SPP1: variants seen among roughly 807,000 people sequenced by gnomAD.
SPP1 encodes osteopontin.
SPP1 carries 18 observed loss-of-function variants against 20.8 expected under a neutral mutation model. The observed-to-expected ratio is 0.87, with a 90% CI of 0.60 to 1.29. The LOEUF (loss-of-function observed/expected upper bound fraction) is 1.29, where lower values mean the gene tolerates loss of function less well. Ranked by LOEUF, SPP1 falls within the 50% of genes most tolerant of loss-of-function variation. The pLI, the probability that SPP1 is intolerant of heterozygous loss-of-function variation, is 0.00. For synonymous variants in SPP1, 146 were observed against 141.5 expected (o/e 1.03, Z -0.23); for missense variants, 363 against 389.0 (o/e 0.93, Z 0.56).
In SPP1 at chr4:87,981,576, C is replaced by A; in HGVS notation, c.318C>A (p.Asn106Lys). Residue 106 changes from asparagine (N) to lysine (K), a missense_variant, in exon 6 of 7, where the codon AAC becomes AAA. Transcript: ENST00000395080. ...HVDSQDSIDSNDSDDVDDTDD... is the reference protein window; with the variant it reads ...HVDSQDSIDSKDSDDVDDTDD... ...ACAGCCAGGACTCCATTGACTCGAA[C>A]GACTCTGATGATGTAGATGACACTG... is the stretch of plus-strand genomic sequence containing the variant. The A allele has an allele frequency of 6.2e-7, 1 of 1,614,086 alleles. No individual in the cohort carries two copies. The highest frequency in any genetic ancestry group is 8.5e-7 in the Non-Finnish European group (1 of 1,179,988).
intron 1 of SPP1, 73 bp downstream of exon 1, chr4:87,975,873 A>G (rs954422651): frequency 1.3e-5 from 2 of 152,224 alleles, no homozygotes; most frequent in Non-Finnish European, 2.9e-5. Context: ...CTAAGGAAAA[A>G]TATTTTTAAT....
chr4:87,981,850 G>A (rs1725663752), intron 6 of SPP1, 52 bp downstream of exon 6: 1 of 1,496,330 alleles, frequency 6.7e-7, no homozygotes, highest in Admixed American at 1.8e-5. Flanking sequence ...CTCAAGTCTA[G>A]GAAACCACAG....
Position 87,976,965 on chromosome 4 carries a change from T to C in SPP1, c.54+16T>C. 2 of 1,613,598 alleles carry C rather than the reference T, an allele frequency of 1.2e-6. No individual in the cohort carries two copies. Among genetic ancestry groups the C allele is most frequent in the South Asian group, 1.1e-5 (1 of 91,076 alleles). ...TGCCATACCAGTGAGTACAGTTGCA[T>C]CTTAAAGAAAATTCCTGAAAATAAC... is the stretch of plus-strand genomic sequence containing the variant. On this transcript the variant is annotated intron_variant, in intron 2 of 6. Transcript: ENST00000395080.
Position 87,983,064 on chromosome 4 carries a change from C to A in SPP1, c.*168C>A. The A allele has an allele frequency of 1.4e-6, 1 of 725,808 alleles. No homozygotes were observed. Among genetic ancestry groups the A allele is most frequent in the Non-Finnish European group, 2.1e-6 (1 of 465,520 alleles). The allele number at this position is 725,808 out of a possible 1,614,324, so 45.0% of individuals were successfully genotyped here. ...GTTTGATAATTAGTTTAGTTTGTGG[C>A]TTCATGGAAACTCCCTGTAAACTAA... On this transcript the variant is annotated 3_prime_UTR_variant, in exon 7 of 7. Coordinates refer to ENST00000395080, the MANE Select transcript of SPP1 (RefSeq NM_001040058.2).
rs1725599839 is a variant in SPP1 at position 87,980,575 on chromosome 4, T to C, written c.216+141T>C. Reference sequence around the variant, plus strand: ...CTAAAACTTGCTCATAAATAAAACATGTATTTACTAAATATCAGAAATACT... The same window carrying C: ...CTAAAACTTGCTCATAAATAAAACACGTATTTACTAAATATCAGAAATACT... On this transcript the variant is annotated intron_variant, in intron 5 of 6. Coordinates refer to ENST00000395080, the MANE Select transcript of SPP1 (RefSeq NM_001040058.2). 7 of 800,352 alleles carry C rather than the reference T, an allele frequency of 8.7e-6. No homozygotes were observed. In the Admixed American group the frequency reaches 2.1e-4, roughly 24 times the overall value. The allele number at this position is 800,352 out of a possible 1,614,324, so 49.6% of individuals were successfully genotyped here.
At chr4:87,977,684 C>T in intron 3 of SPP1, 1 of 1,251,492 alleles carries the variant, frequency 8.0e-7, no homozygotes, top group South Asian at 1.4e-5. Context: ...ACCTACCCCT[C>T]CACAACAGAT....
In SPP1 at chr4:87,980,186, T is replaced by G. The variant is rs1461336035; in HGVS notation, c.174+60T>G. On this transcript the variant is annotated intron_variant, in intron 4 of 6. Coordinates refer to ENST00000395080, the MANE Select transcript of SPP1 (RefSeq NM_001040058.2). ...ATGAAAGATAGCCACACTCAGGCCATTTGGGCTGCTCAGATGAATCCTGCC... is the reference window on the plus strand; with the variant it reads ...ATGAAAGATAGCCACACTCAGGCCAGTTGGGCTGCTCAGATGAATCCTGCC... The G allele has an allele frequency of 1.9e-6, 3 of 1,585,058 alleles. No individual in the cohort carries two copies. In the African/African-American group the frequency reaches 4.0e-5, roughly 21 times the overall value.
chr4:87,976,826 G>T (rs577910593), intron 1 of SPP1, 56 bp from the exon 2 acceptor site: 4 of 1,200,484 alleles, frequency 3.3e-6, no homozygotes, highest in African/African-American at 1.5e-5. Flanking sequence ...GTATAAAAAG[G>T]TATCACTGTT....
intron 5 of SPP1, 122 bp from the exon 6 acceptor site, chr4:87,981,353 A>G (rs1725631952): frequency 1.2e-6 from 1 of 856,162 alleles, no homozygotes; most frequent in South Asian, 1.8e-5. Flanking sequence ...CATGGTATGT[A>G]CTGTGAATGC....
In SPP1 at chr4:87,981,585, T is replaced by C; in HGVS notation, c.327T>C (p.Asp109=). The C allele has an allele frequency of 6.2e-7, 1 of 1,614,166 alleles. No homozygotes were observed. The highest frequency in any genetic ancestry group is 1.1e-5 in the South Asian group (1 of 91,076). The change falls in exon 6 of 7, where the codon GAT becomes GAC. Residue 109 remains aspartate, a synonymous_variant. Transcript: ENST00000395080. ...ACTCCATTGACTCGAACGACTCTGA[T>C]GATGTAGATGACACTGATGATTCTC... The part of the protein sequence containing the change: ...SQDSIDSNDS[D]DVDDTDDSHQ...
chr4:87,975,851 G>A (rs1465773380), intron 1 of SPP1, 51 bp downstream of exon 1: 1 of 152,214 alleles, frequency 6.6e-6, no homozygotes, highest in Non-Finnish European at 1.5e-5. Context: ...ATTTCATGGG[G>A]AAGTCCAAAT....
chr4:87,981,811 A>G lies in SPP1; in HGVS notation c.540+13A>G, dbSNP rs1725661321. 18 of 1,610,804 alleles carry G rather than the reference A, an allele frequency of 1.1e-5. No individual in the cohort carries two copies. The highest frequency in any genetic ancestry group is 2.7e-5 in the African/African-American group (2 of 75,010). On this transcript the variant is annotated intron_variant, in intron 6 of 6. Coordinates refer to ENST00000395080, the MANE Select transcript of SPP1 (RefSeq NM_001040058.2). ...ACCTGACATCCAGGTAAATCCTTTA[A>G]CAGACACACCTGATGGTTCTGACTA...
At chr4:87,980,851 T>C (rs1045912893) in intron 5 of SPP1, among the ~76,000 whole-genome samples, 5 of 152,206 alleles carry the variant, frequency 3.3e-5, no homozygotes, top group East Asian at 1.9e-4. Flanking sequence ...GTAAATTTAT[T>C]TTCCTTAAGA....
At chr4:87,979,544 A>T (rs1440448594) in intron 3 of SPP1, among the ~76,000 whole-genome samples, 1 of 152,194 alleles carries the variant, frequency 6.6e-6, no homozygotes, top group Non-Finnish European at 1.5e-5. Flanking sequence ...ACAGTCTTAG[A>T]GAGTTCCTTC....
chr4:87,977,185 T>C (rs1725414873), intron 3 of SPP1, 88 bp downstream of exon 3: 2 of 1,302,110 alleles, frequency 1.5e-6, no homozygotes, highest in Non-Finnish European at 2.2e-6. Context: ...CGATATTACT[T>C]ATCTTCTCAG....
chr4:87,981,633 T>TTCTGATGAA lies in SPP1; in HGVS notation c.385_393dup (p.Ser129_Glu131dup). 1 of 1,614,150 alleles carries TTCTGATGAA rather than the reference T, an allele frequency of 6.2e-7. No homozygotes were observed. The highest frequency in any genetic ancestry group is 1.1e-5 in the South Asian group (1 of 91,066). On this transcript the variant is annotated inframe_insertion, in exon 6 of 7. Coordinates refer to ENST00000395080, the MANE Select transcript of SPP1 (RefSeq NM_001040058.2). ...CTCACCAGTCTGATGAGTCTCACCA[T>TTCTGATGAA]TCTGATGAATCTGATGAACTGGTCA...
At chr4:87,977,903 G>A in intron 3 of SPP1, 1 of 1,053,900 alleles carries the variant, frequency 9.5e-7, no homozygotes, top group Non-Finnish European at 1.2e-6. Context: ...TTTTTCAACT[G>A]ATTTGAAAAT....
Position 87,979,149 on chromosome 4 carries a change from AATTTTT to A in SPP1, c.94-894_94-889del, listed in dbSNP as rs565300638. Among the ~76,000 whole-genome samples the A allele has an allele frequency of 1.8e-3, 258 of 147,294 alleles. 1 individual carries two copies. Among genetic ancestry groups the A allele is most frequent in the African/African-American group, 6.2e-3 (250 of 40,060 alleles). On this transcript the variant is annotated intron_variant, in intron 3 of 6. Coordinates refer to ENST00000395080, the MANE Select transcript of SPP1 (RefSeq NM_001040058.2). ...GTGGGCTAGTGCAACTGAGGAACTG[AATTTTT>A]ATCTTCTTTTTTTTTTTTTTTTTTT...
intron 3 of SPP1, chr4:87,977,672 G>A (rs1427191549): frequency 1.7e-6 from 2 of 1,208,636 alleles, no homozygotes; most frequent in South Asian, 3.1e-5. Flanking sequence ...CACTAAAGAT[G>A]TACCTACCCC....
Sources: gnomAD v4.1 joint callset for allele counts (sites outside exome capture counted in the v4.1 genomes callset) on GRCh38, gnomAD v4.1.1 for gene constraint, MANE v1.5 for transcripts, NCBI Gene and HGNC (gene_info 2026-07-23, HGNC 2026-07-21) for gene names.